ZNF365: variants seen among roughly 807,000 people sequenced by gnomAD.
ZNF365 encodes the protein protein ZNF365.
Under a neutral mutation model 35.0 loss-of-function variants are expected in ZNF365, and 22 were observed. The ratio of observed to expected loss-of-function variants is 0.63; its 90% CI spans 0.45 to 0.90. ZNF365 has a LOEUF of 0.90. Among genes scored for constraint, ZNF365 ranks in the 40% least tolerant of loss-of-function variants. ZNF365 has a pLI of 0.00. For missense variants in ZNF365, 448 were observed against 500.3 expected, an observed-to-expected ratio of 0.90 and a Z score of 1.00; for synonymous variants, 188 against 196.2, an observed-to-expected ratio of 0.96 and a Z score of 0.35.
chr10:62,430,096 C>A (rs1441119877), intron 3 of ZNF365, among the ~76,000 whole-genome samples: 3 of 152,078 alleles, frequency 2.0e-5, no homozygotes, highest in Non-Finnish European at 1.5e-5. Flanking sequence ...CATGATTTCA[C>A]TATAATAATA....
chr10:62,452,179 T>A (rs1440864378), intron 3 of ZNF365, among the ~76,000 whole-genome samples: 1 of 152,076 alleles, frequency 6.6e-6, no homozygotes, highest in Admixed American at 6.6e-5. Context: ...TAGAAGGAAG[T>A]TAATTAAGAA....
intron 3 of ZNF365, among the ~76,000 whole-genome samples, chr10:62,444,529 C>T (rs1840552945): frequency 6.6e-6 from 1 of 152,082 alleles, no homozygotes; most frequent in African/African-American, 2.4e-5. Context: ...GTAATAGCCT[C>T]CTATTGTTGC....
downstream of ZNF365, among the ~76,000 whole-genome samples, chr10:62,407,325 G>A (rs1381554878): frequency 6.6e-6 from 1 of 152,178 alleles, no homozygotes; most frequent in Non-Finnish European, 1.5e-5. Flanking sequence ...CTGAACTGCT[G>A]TATAGATAAA....
At chr10:62,421,313 GC>G (rs1840164569) in intron 3 of ZNF365, among the ~76,000 whole-genome samples, 2 of 152,044 alleles carry the variant, frequency 1.3e-5, no homozygotes, top group African/African-American at 2.4e-5. Context: ...CTGTTACCTG[GC>G]CTTTACCAAA....
chr10:62,434,935 C>T (rs1001699192), intron 3 of ZNF365, among the ~76,000 whole-genome samples: 1 of 152,060 alleles, frequency 6.6e-6, no homozygotes, highest in Non-Finnish European at 1.5e-5. Flanking sequence ...TTGAATCCTC[C>T]CATGCATCAG....
intron 3 of ZNF365, among the ~76,000 whole-genome samples, chr10:62,416,485 AT>A (rs1165658149): frequency 6.6e-6 from 1 of 152,100 alleles, no homozygotes; most frequent in African/African-American, 2.4e-5. Flanking sequence ...TGGATAGCCT[AT>A]TTTTCGAATG....
At chr10:62,457,670 A>G (rs896835529) in intron 3 of ZNF365, among the ~76,000 whole-genome samples, 5 of 152,212 alleles carry the variant, frequency 3.3e-5, no homozygotes, top group African/African-American at 9.6e-5. Context: ...GTTCTCTTTC[A>G]TGCCCCATTT....
At chr10:62,383,885 T>C (rs1455783542) in intron 2 of ZNF365, among the ~76,000 whole-genome samples, 1 of 152,252 alleles carries the variant, frequency 6.6e-6, no homozygotes, top group African/African-American at 2.4e-5. Flanking sequence ...TTTGGCTCTC[T>C]GGAAAGGGCT....
intron 3 of ZNF365, among the ~76,000 whole-genome samples, chr10:62,413,089 G>T (rs1431129936): frequency 6.6e-6 from 1 of 152,156 alleles, no homozygotes; most frequent in African/African-American, 2.4e-5. Context: ...ACCCTGATGG[G>T]TATCACAGTT....
At chr10:62,402,458 A>G, downstream of ZNF365, 3 of 985,198 alleles carry the variant, frequency 3.0e-6, no homozygotes, top group East Asian at 1.1e-4. Context: ...TAATGTGTTG[A>G]TATGTTTTGT....
At chr10:62,474,787 A>G (rs532145542) in intron 4 of ZNF365, among the ~76,000 whole-genome samples, 2 of 152,318 alleles carry the variant, frequency 1.3e-5, no homozygotes, top group African/African-American at 2.4e-5. Flanking sequence ...CCAAGTTGAC[A>G]TAACTAACCA....
intron 2 of ZNF365, among the ~76,000 whole-genome samples, chr10:62,382,353 G>C (rs1240419252): frequency 1.3e-5 from 2 of 152,142 alleles, no homozygotes; most frequent in African/African-American, 4.8e-5. Flanking sequence ...CCACATTGTT[G>C]GTTCGTGCAT....
At chr10:62,380,245 G>A (rs149224238) in intron 2 of ZNF365, among the ~76,000 whole-genome samples, 2 of 152,274 alleles carry the variant, frequency 1.3e-5, no homozygotes, top group Non-Finnish European at 2.9e-5. Context: ...CCACTTAAAC[G>A]AAGAGGTTTT....
intron 3 of ZNF365, among the ~76,000 whole-genome samples, chr10:62,453,458 T>C (rs1259765935): frequency 6.6e-6 from 1 of 152,238 alleles, no homozygotes; most frequent in Non-Finnish European, 1.5e-5. Flanking sequence ...AAAAGAGTGA[T>C]GTCATTCTTT....
Position 62,399,798 on chromosome 10 carries a change from G to A in ZNF365, c.*9G>A, listed in dbSNP as rs1319799888. 6.2e-7 allele frequency: 1 copy of A among 1,609,896 alleles called. No individual in the cohort carries two copies. Among genetic ancestry groups the A allele is most frequent in the Non-Finnish European group, 8.5e-7 (1 of 1,178,170 alleles). On this transcript the variant is annotated 3_prime_UTR_variant, in exon 5 of 5. Transcript: ENST00000395254. The stretch of plus-strand genomic sequence containing the variant: ...TTGTGAACATCATCTAAAAGGGTGG[G>A]TGGTGCTGGACCAATCATCGCTGGG...
intron 2 of ZNF365, among the ~76,000 whole-genome samples, chr10:62,380,621 C>A (rs76823792): frequency 0.016 from 2,464 of 152,242 alleles, 66 homozygotes; most frequent in African/African-American, 0.057. Flanking sequence ...TCATTGTAAA[C>A]CCGTAGAAGG....
At chr10:62,474,373 A>T (rs1164150985) in intron 4 of ZNF365, among the ~76,000 whole-genome samples, 1 of 152,096 alleles carries the variant, frequency 6.6e-6, no homozygotes, top group Non-Finnish European at 1.5e-5. Flanking sequence ...AAGTTTTCTT[A>T]CTTGTTTATT....
intron 4 of ZNF365, among the ~76,000 whole-genome samples, chr10:62,472,423 G>C (rs1249606961): frequency 6.6e-6 from 1 of 152,208 alleles, no homozygotes; most frequent in Non-Finnish European, 1.5e-5. Flanking sequence ...TTAAAATGAG[G>C]TCATTAGAGT....
Position 62,467,811 on chromosome 10 carries a change from C to T in ZNF365, c.981+8014C>T, listed in dbSNP as rs538393652. Among the ~76,000 whole-genome samples, 7 of 152,230 alleles carry T rather than the reference C, an allele frequency of 4.6e-5. No individual in the cohort carries two copies. The South Asian group carries it at 1.5e-3, about 32-fold the overall frequency. The stretch of plus-strand genomic sequence containing the variant: ...TTTGATGCTTAAATAAGGAAAGTTC[C>T]TGAATGATCAAGTATCTATTGTAAC... On this transcript the variant is annotated intron_variant, in intron 4 of 4. Coordinates refer to the ZNF365 transcript ENST00000395255.
Sources: allele counts gnomAD v4.1 joint callset (sites outside exome capture counted in the v4.1 genomes callset), GRCh38; gene constraint gnomAD v4.1.1; transcripts MANE v1.5; gene names NCBI Gene and HGNC (gene_info 2026-07-23, HGNC 2026-07-21).